The following WWOX variants were observed in gnomAD, a reference collection of about 807,000 sequenced individuals.
WWOX encodes the protein WW domain containing oxidoreductase, also known as WW domain-containing oxidoreductase.
WWOX carries 69 observed loss-of-function variants against 46.2 expected under a neutral mutation model. That is an observed-to-expected ratio of 1.49 (90% CI 1.23 to 1.82). The LOEUF (loss-of-function observed/expected upper bound fraction) is 1.82, where lower values mean the gene tolerates loss of function less well. WWOX is among the 40% of genes most tolerant of loss of function. The probability of loss-of-function intolerance (pLI) is 0.00; values close to 1 mark genes in which losing one functional copy is unlikely to be tolerated. For synonymous variants in WWOX, 359 were observed against 202.6 expected (o/e 1.77, Z -6.56); for missense variants, 919 against 542.6 (o/e 1.69, Z -6.89).
intron 8 of WWOX, among the ~76,000 whole-genome samples, chr16:78,968,856 A>G (rs1451155218): frequency 6.6e-6 from 1 of 152,154 alleles, no homozygotes; most frequent in Non-Finnish European, 1.5e-5. Flanking sequence ...CAGTATTACC[A>G]TAAGAAGGGA....
intron 8 of WWOX, among the ~76,000 whole-genome samples, chr16:78,757,367 A>G (rs1407177951): frequency 6.6e-6 from 1 of 152,034 alleles, no homozygotes; most frequent in Admixed American, 6.6e-5. Flanking sequence ...CATGACCACC[A>G]TTTAGAGGGA....
chr16:79,090,939 A>G (rs1352755625), intron 8 of WWOX, among the ~76,000 whole-genome samples: 1 of 152,186 alleles, frequency 6.6e-6, no homozygotes, highest in African/African-American at 2.4e-5. Flanking sequence ...GACTACAGGC[A>G]TTCATGCCAC....
At chr16:78,619,764 T>G (rs1487762022) in intron 8 of WWOX, among the ~76,000 whole-genome samples, 1 of 151,624 alleles carries the variant, frequency 6.6e-6, no homozygotes, top group Non-Finnish European at 1.5e-5. Flanking sequence ...AACAAAAAAA[T>G]GAGACATGGG....
In WWOX at chr16:78,132,027, CT is replaced by C. The variant is rs1298818927; in HGVS notation, c.409+16888del. ...ATTTTTCTTTTTTCTTTTTCTTTTT[CT>C]TTTTTTTTTTTTTTGAGACAGAGTC... On this transcript the variant is annotated intron_variant, in intron 4 of 8. Transcript: ENST00000566780. Among the ~76,000 whole-genome samples, 671 of 128,454 alleles carry C rather than the reference CT, an allele frequency of 5.2e-3. 5 individuals carry two copies. The highest frequency in any genetic ancestry group is 0.014 in the African/African-American group (482 of 34,544). The allele number at this position is 128,454 out of a possible 152,430, so 84.3% of individuals were successfully genotyped here.
chr16:78,607,475 T>A (rs2045787561), intron 8 of WWOX, among the ~76,000 whole-genome samples: 1 of 152,170 alleles, frequency 6.6e-6, no homozygotes. Flanking sequence ...TCAAAAATTG[T>A]TATAAAGATT....
At chr16:78,873,340 T>G (rs2044167375) in intron 8 of WWOX, 1 of 152,242 alleles carries the variant, frequency 6.6e-6, no homozygotes, top group Non-Finnish European at 1.5e-5. Context: ...ATCAGAGATC[T>G]GGTCATCACC....
chr16:79,121,554 C>T (rs772535695), intron 8 of WWOX, among the ~76,000 whole-genome samples: 1 of 152,056 alleles, frequency 6.6e-6, no homozygotes, highest in Non-Finnish European at 1.5e-5. Flanking sequence ...TCCAGGGACT[C>T]GGGAGGCCTG....
intron 5 of WWOX, among the ~76,000 whole-genome samples, chr16:78,349,325 A>G (rs1185300113): frequency 8.3e-6 from 1 of 120,872 alleles, no homozygotes; most frequent in Non-Finnish European, 2.0e-5. Context: ...AAATACAGTC[A>G]CATTCTGAGG....
At chr16:78,765,230 A>G (rs2049899542) in intron 8 of WWOX, among the ~76,000 whole-genome samples, 1 of 152,256 alleles carries the variant, frequency 6.6e-6, no homozygotes, top group Non-Finnish European at 1.5e-5. Flanking sequence ...CAGCACGAGC[A>G]AAGGCAGAAA....
intron 8 of WWOX, among the ~76,000 whole-genome samples, chr16:79,173,905 C>A (rs1044962975): frequency 1.3e-5 from 2 of 152,100 alleles, no homozygotes; most frequent in East Asian, 3.9e-4. Context: ...TACATAGATA[C>A]TTTTTTTCAC....
In WWOX at chr16:79,212,467, T is replaced by C. The variant is rs531595337; in HGVS notation, c.*671T>C. ...AGATTATAACAAATTTTTCAAATCA[T>C]TCCTTAGATACCTTGAAAGGCAGGA... On this transcript the variant is annotated 3_prime_UTR_variant, in exon 9 of 9. Transcript: ENST00000566780. 1 of 235,926 alleles carries C rather than the reference T, an allele frequency of 4.2e-6. No individual in the cohort carries two copies. Among genetic ancestry groups the C allele is most frequent in the South Asian group, 8.9e-5 (1 of 11,272 alleles). 14.6% of individuals were successfully genotyped at this position (235,926 alleles called of 1,614,324 possible).
At chr16:79,165,502 C>T (rs2050576227) in intron 8 of WWOX, among the ~76,000 whole-genome samples, 1 of 152,126 alleles carries the variant, frequency 6.6e-6, no homozygotes, top group African/African-American at 2.4e-5. Context: ...CAGCATAGAC[C>T]TCCTTGGGAT....
chr16:78,114,913 T>G (rs1356802372), intron 3 of WWOX, 63 bp from the exon 4 acceptor site: 10 of 1,604,400 alleles, frequency 6.2e-6, no homozygotes, highest in African/African-American at 1.3e-5. Context: ...AGTATAAGAT[T>G]GTCTTATATT....
chr16:78,571,732 G>T (rs188689655), intron 8 of WWOX, among the ~76,000 whole-genome samples: 1 of 152,222 alleles, frequency 6.6e-6, no homozygotes, highest in African/African-American at 2.4e-5. Flanking sequence ...GCCAGGCGTG[G>T]TGGTATGTGA....
chr16:78,643,162 C>T (rs1297447029), intron 8 of WWOX, among the ~76,000 whole-genome samples: 4 of 152,268 alleles, frequency 2.6e-5, no homozygotes, highest in East Asian at 1.9e-4. Flanking sequence ...TCCGACAGCT[C>T]TGGAACTTGT....
chr16:79,132,882 C>T (rs545378524), intron 8 of WWOX, among the ~76,000 whole-genome samples: 10 of 152,152 alleles, frequency 6.6e-5, no homozygotes, highest in Non-Finnish European at 1.3e-4. Flanking sequence ...CTTCAAACCA[C>T]GATTTAAACC....
chr16:78,755,976 G>C (rs1435702683), intron 8 of WWOX, among the ~76,000 whole-genome samples: 3 of 152,186 alleles, frequency 2.0e-5, no homozygotes, highest in Non-Finnish European at 4.4e-5. Flanking sequence ...AGGCCTGTAA[G>C]AAATGATGGC....
At chr16:78,759,349 C>T (rs1411918388) in intron 8 of WWOX, among the ~76,000 whole-genome samples, 6 of 152,186 alleles carry the variant, frequency 3.9e-5, no homozygotes, top group African/African-American at 1.4e-4. Context: ...CCAGGCAAGG[C>T]ACAGAAAATA....
At position 78,454,262 on chromosome 16, in the gene WWOX, T is replaced by C. The variant is rs544541255; in HGVS notation, c.1056+21510T>C. Among the ~76,000 whole-genome samples, 255 of 152,282 alleles carry C rather than the reference T, an allele frequency of 1.7e-3. 1 individual carries two copies. Among genetic ancestry groups the C allele is most frequent in the Non-Finnish European group, 3.1e-3 (213 of 68,030 alleles). ...AATTCTGATGGACAGATCAAGATGT[T>C]CTATGTTGCTCTAAAACAGCATCTC... is the stretch of plus-strand genomic sequence containing the variant. On this transcript the variant is annotated intron_variant, in intron 8 of 8. Coordinates refer to ENST00000566780, the MANE Select transcript of WWOX (RefSeq NM_016373.4).
Sources: allele counts gnomAD v4.1 joint callset (sites outside exome capture counted in the v4.1 genomes callset), GRCh38; gene constraint gnomAD v4.1.1; transcripts MANE v1.5; gene names NCBI Gene and HGNC (gene_info 2026-07-23, HGNC 2026-07-21).